SENP8: variants seen among roughly 807,000 people sequenced by gnomAD.
SENP8 encodes the protein SUMO peptidase family member, NEDD8 specific, also known as sentrin-specific protease 8.
In SENP8, 10 loss-of-function variants were observed where a neutral mutation model predicts 14.4. The observed-to-expected ratio is 0.69, with a 90% CI of 0.43 to 1.18. The LOEUF (loss-of-function observed/expected upper bound fraction) is 1.18, where lower values mean the gene tolerates loss of function less well. Among genes scored for constraint, SENP8 ranks in the 50% most tolerant of loss-of-function variants. The pLI is 0.00. For synonymous variants in SENP8, 94 were observed against 95.5 expected (o/e 0.98, Z 0.09); for missense variants, 202 against 249.4 (o/e 0.81, Z 1.28).
In SENP8 at chr15:72,125,336, A is replaced by C. The variant is rs576050635; in HGVS notation, c.-48+6872A>C. On this transcript the variant is annotated intron_variant, in intron 1 of 1. Transcript: ENST00000340912. ...CACCTTTGCTAACTTGACAGGTAAA[A>C]AAATGAAATTTTATTTTAACTTACA... 4.6e-5 allele frequency among the ~76,000 whole-genome samples: 7 copies of C among 152,296 alleles called. No individual in the cohort carries two copies. The South Asian group carries it at 1.4e-3, about 32-fold the overall frequency.
At chr15:72,139,432 A>C (rs967160258) in intron 1 of SENP8, 145 bp from the exon 2 acceptor site, 1 of 685,212 alleles carries the variant, frequency 1.5e-6, no homozygotes, top group Non-Finnish European at 2.3e-6. Context: ...AAGAAAATCC[A>C]TGTGTAAGTA....
intron 1 of SENP8, among the ~76,000 whole-genome samples, chr15:72,118,758 C>G (rs1270635271): frequency 6.6e-6 from 1 of 152,096 alleles, no homozygotes; most frequent in East Asian, 1.9e-4. Context: ...TTTTGAAGTG[C>G]TTTTGTATAG....
intron 1 of SENP8, among the ~76,000 whole-genome samples, chr15:72,126,213 C>T (rs902504296): frequency 1.3e-5 from 2 of 152,052 alleles, no homozygotes; most frequent in Admixed American, 6.6e-5. Context: ...CCACATGTGG[C>T]TATTTAAATT....
upstream of SENP8, among the ~76,000 whole-genome samples, chr15:72,116,112 A>G (rs2080965170): frequency 6.6e-6 from 1 of 152,242 alleles, no homozygotes; most frequent in African/African-American, 2.4e-5. Flanking sequence ...AATATCACAG[A>G]AAGGATACAC....
intron 1 of SENP8, among the ~76,000 whole-genome samples, chr15:72,132,359 A>C (rs1283920768): frequency 6.6e-6 from 1 of 152,190 alleles, no homozygotes. Flanking sequence ...AAACCAAAGA[A>C]TAAGGATGTT....
At chr15:72,137,712 T>G (rs1026024324) in intron 1 of SENP8, among the ~76,000 whole-genome samples, 1 of 152,134 alleles carries the variant, frequency 6.6e-6, no homozygotes, top group Admixed American at 6.5e-5. Flanking sequence ...GTGGCTCACG[T>G]CTGTAATCCC....
intron 1 of SENP8, among the ~76,000 whole-genome samples, chr15:72,136,640 T>C (rs2081329992): frequency 6.6e-6 from 1 of 152,246 alleles, no homozygotes; most frequent in Non-Finnish European, 1.5e-5. Context: ...TGCAGCGTTT[T>C]GTTACACGAA....
At chr15:72,116,770 A>C (rs1488238824), upstream of SENP8, 2 of 152,254 alleles carry the variant, frequency 1.3e-5, no homozygotes, top group African/African-American at 4.8e-5. Context: ...ATCCTTACAG[A>C]GGTCCCTAAA....
chr15:72,143,610 T>C lies in SENP8; in HGVS notation c.*3348T>C, dbSNP rs1403521020. ...ACATTTTTGAGGTTCTATAGAAATA[T>C]ATAATCTCATTAATTCTTATGTTCT... On this transcript the variant is annotated 3_prime_UTR_variant, in exon 2 of 2. Coordinates refer to ENST00000340912, the MANE Select transcript of SENP8 (RefSeq NM_145204.4). 2 of 152,212 alleles carry C rather than the reference T, an allele frequency of 1.3e-5. No homozygotes were observed. Among genetic ancestry groups the C allele is most frequent in the African/African-American group, 4.8e-5 (2 of 41,452 alleles). The allele number at this position is 152,212 out of a possible 1,614,324, so 9.4% of individuals were successfully genotyped here.
intron 1 of SENP8, chr15:72,134,885 A>T (rs2081311452): frequency 3.5e-6 from 1 of 282,830 alleles, no homozygotes; most frequent in Non-Finnish European, 7.0e-6. Context: ...CAAGGGCCAG[A>T]TTCTTGCCAA....
At position 72,142,467 on chromosome 15, in the gene SENP8, A is replaced by G. The variant is rs1293489407; in HGVS notation, c.*2205A>G. The stretch of plus-strand genomic sequence containing the variant: ...TTCTCTCTTAGAGTCAAAAGGATCT[A>G]TTCTGCAAAATTAATCAAAATATTC... On this transcript the variant is annotated 3_prime_UTR_variant, in exon 2 of 2. Coordinates refer to ENST00000340912, the MANE Select transcript of SENP8 (RefSeq NM_145204.4). The G allele has an allele frequency of 6.6e-6, 1 of 152,226 alleles. No individual in the cohort carries two copies. Among genetic ancestry groups the G allele is most frequent in the East Asian group, 1.9e-4 (1 of 5,202 alleles). The allele number at this position is 152,226 out of a possible 1,614,324, so 9.4% of individuals were successfully genotyped here.
chr15:72,134,973 TC>T, intron 1 of SENP8: 1 of 308,330 alleles, frequency 3.2e-6, no homozygotes, highest in Non-Finnish European at 6.4e-6. Flanking sequence ...AGGAAAATGA[TC>T]AGAAAAAGAA....
intron 1 of SENP8, among the ~76,000 whole-genome samples, chr15:72,131,934 G>A (rs1476779137): frequency 6.6e-6 from 1 of 152,192 alleles, no homozygotes; most frequent in Non-Finnish European, 1.5e-5. Context: ...GAACAGGGAA[G>A]GAAACTAAGT....
chr15:72,118,055 C>G, upstream of SENP8: 1 of 396,148 alleles, frequency 2.5e-6, no homozygotes, highest in Non-Finnish European at 4.5e-6. Flanking sequence ...CAACCGCCGC[C>G]GCGTCCCTTA....
intron 1 of SENP8, among the ~76,000 whole-genome samples, chr15:72,134,454 C>T (rs1327740516): frequency 1.3e-5 from 2 of 152,148 alleles, no homozygotes; most frequent in Non-Finnish European, 2.9e-5. Flanking sequence ...TGGTACGCAC[C>T]TGCAGTCCTA....
chr15:72,130,863 G>A (rs960509752), intron 1 of SENP8, among the ~76,000 whole-genome samples: 31 of 152,086 alleles, frequency 2.0e-4, no homozygotes, highest in African/African-American at 7.2e-4. Flanking sequence ...GCGCCCGGCA[G>A]GATTTTTATA....
chr15:72,128,755 G>T (rs1371462854), intron 1 of SENP8, among the ~76,000 whole-genome samples: 1 of 152,148 alleles, frequency 6.6e-6, no homozygotes, highest in Admixed American at 6.5e-5. Context: ...TGGCACATGG[G>T]CATGTATCCA....
At chr15:72,123,026 T>C (rs756041507) in intron 1 of SENP8, among the ~76,000 whole-genome samples, 2 of 152,244 alleles carry the variant, frequency 1.3e-5, no homozygotes, top group Non-Finnish European at 2.9e-5. Flanking sequence ...TACTCATTAA[T>C]TCATTAGATA....
chr15:72,125,761 A>C (rs2081211991), intron 1 of SENP8, among the ~76,000 whole-genome samples: 1 of 151,970 alleles, frequency 6.6e-6, no homozygotes, highest in Admixed American at 6.6e-5. Context: ...GTGCATTAGG[A>C]GTTAGCATTT....
Sources: allele counts gnomAD v4.1 joint callset (sites outside exome capture counted in the v4.1 genomes callset), GRCh38; gene constraint gnomAD v4.1.1; transcripts MANE v1.5; gene names NCBI Gene and HGNC (gene_info 2026-07-23, HGNC 2026-07-21).